NLRP13: variants seen among roughly 807,000 people sequenced by gnomAD.
The protein encoded by NLRP13 is NLR family pyrin domain containing 13, also known as NACHT, LRR and PYD domains-containing protein 13.
A neutral mutation model predicts 94.4 loss-of-function variants in NLRP13; 82 were observed. That is an observed-to-expected ratio of 0.87 (90% confidence interval 0.73 to 1.04). NLRP13 has a LOEUF of 1.04. NLRP13 is among the 50% of genes least tolerant of loss of function. The probability of loss-of-function intolerance (pLI) is 0.00; values close to 1 mark genes in which losing one functional copy is unlikely to be tolerated. For synonymous variants in NLRP13, 553 were observed against 464.7 expected, an observed-to-expected ratio of 1.19 and a Z score of -2.45; for missense variants, 1,426 against 1,230.8, an observed-to-expected ratio of 1.16 and a Z score of -2.37.
At chr19:55,899,004 C>T (rs1311875299) in intron 9 of NLRP13, 67 bp from the exon 10 acceptor site, 14 of 1,491,408 alleles carry the variant, frequency 9.4e-6, no homozygotes, top group Non-Finnish European at 1.3e-5. Flanking sequence ...GTGTTTACAA[C>T]TGCCCATCTC....
In NLRP13 at chr19:55,902,103, C is replaced by G; in HGVS notation, c.2721G>C (p.Leu907=). 6.2e-7 allele frequency: 1 copy of G among 1,614,194 alleles called. No homozygotes were observed. The highest frequency in any genetic ancestry group is 8.5e-7 in the Non-Finnish European group (1 of 1,180,018). The change falls in exon 9 of 11, where the codon CTG becomes CTC. Residue 907 remains leucine (L), a synonymous_variant. Coordinates refer to ENST00000342929, the MANE Select transcript of NLRP13 (RefSeq NM_176810.2). The part of the protein sequence containing the change: ...LTHLNLSKNS[L]RDEGVKFLCE... ...ACAGGAACTTGACTCCCTCGTCTCTCAGGCTGTTCTTGCTCAGATTCAGGT... is the reference window on the plus strand; with the variant it reads ...ACAGGAACTTGACTCCCTCGTCTCTGAGGCTGTTCTTGCTCAGATTCAGGT...
chr19:55,924,544 G>T, intron 3 of NLRP13, 46 bp downstream of exon 3: 1 of 1,355,556 alleles, frequency 7.4e-7, no homozygotes, highest in Non-Finnish European at 1.1e-6. Context: ...TGAAACGAGT[G>T]TTCCATCAAG....
chr19:55,924,975 G>A lies in NLRP13; in HGVS notation c.380C>T (p.Ala127Val), dbSNP rs1467033953. ...TAAAGTAGTGTACACACCTGCTGCT[G>A]CTTCTAGCATCTCTAGATCTTCCTG... ...PTQEDLEMLEAAAGNMQTQGC... is the reference protein window; with the variant it reads ...PTQEDLEMLEVAAGNMQTQGC... Residue 127 changes from alanine (A) to valine (V), a missense_variant, in exon 2 of 11, where the codon GCA becomes GTA. By Grantham distance (64) the Ala-to-Val change is moderately conservative. Coordinates refer to ENST00000342929, the MANE Select transcript of NLRP13 (RefSeq NM_176810.2). The A allele has an allele frequency of 2.5e-6, 4 of 1,613,948 alleles. No homozygotes were observed. In the South Asian group the frequency reaches 3.3e-5, roughly 13 times the overall value.
chr19:55,922,218 G>C lies in NLRP13; in HGVS notation c.523+1696C>G, dbSNP rs370916670. ...CACCAGGTCCCTCCCATGACACATG[G>C]GAATTATGGGAGCTACAATTCAAGA... On this transcript the variant is annotated intron_variant, in intron 4 of 10. Coordinates refer to ENST00000342929, the MANE Select transcript of NLRP13 (RefSeq NM_176810.2). 5.9e-5 allele frequency among the ~76,000 whole-genome samples: 9 copies of C among 152,186 alleles called. 2 individuals are homozygous for C. The highest frequency in any genetic ancestry group is 1.9e-4 in the East Asian group (1 of 5,184).
chr19:55,923,835 G>A, intron 4 of NLRP13, 79 bp downstream of exon 4: 1 of 990,480 alleles, frequency 1.0e-6, no homozygotes, highest in Non-Finnish European at 1.6e-6. Context: ...GTCAGTATGA[G>A]GCAACTCTAC....
chr19:55,931,397 G>A (rs927980013), intron 1 of NLRP13, among the ~76,000 whole-genome samples: 5 of 151,956 alleles, frequency 3.3e-5, no homozygotes. Context: ...AATCACACTG[G>A]GACAAATTTG....
intron 9 of NLRP13, 108 bp downstream of exon 9, chr19:55,901,927 G>T: frequency 8.6e-7 from 1 of 1,163,810 alleles, no homozygotes. Context: ...CCATGGCAAA[G>T]AGCTTGTCCA....
chr19:55,924,422 C>T (rs895571501), intron 3 of NLRP13, among the ~76,000 whole-genome samples, 168 bp downstream of exon 3: 11 of 152,146 alleles, frequency 7.2e-5, no homozygotes, highest in Middle Eastern at 3.4e-3. Flanking sequence ...TCTACTCAGC[C>T]GTAAGTTATT....
chr19:55,911,581 A>G, intron 5 of NLRP13, 125 bp downstream of exon 5: 1 of 886,388 alleles, frequency 1.1e-6, no homozygotes, highest in Non-Finnish European at 1.7e-6. Flanking sequence ...GCTGCTCCAG[A>G]CCATTTGGTC....
chr19:55,913,548 C>CAAAAAAAAAAA lies in NLRP13; in HGVS notation c.524-266_524-256dup, dbSNP rs10530056. On this transcript the variant is annotated intron_variant, in intron 4 of 10. Transcript: ENST00000342929. Reference sequence around the variant, plus strand: ...TGGGTGACAGAGTGAGACTCCGTCTCAAAAAAAAAAAAAAAAAAAAAAAGT... The same window carrying CAAAAAAAAAAA: ...TGGGTGACAGAGTGAGACTCCGTCTCAAAAAAAAAAAAAAAAAAAAAAAAAAAAAAAAAAGT... 4.4e-4 allele frequency among the ~76,000 whole-genome samples: 23 copies of CAAAAAAAAAAA among 52,066 alleles called. 1 individual carries two copies. Among genetic ancestry groups the CAAAAAAAAAAA allele is most frequent in the African/African-American group, 1.2e-3 (18 of 14,630 alleles). 34.2% of individuals were successfully genotyped at this position (52,066 alleles called of 152,430 possible).
intron 9 of NLRP13, 128 bp from the exon 10 acceptor site, chr19:55,899,065 G>A (rs372088801): frequency 1.2e-5 from 12 of 986,966 alleles, no homozygotes; most frequent in East Asian, 2.7e-5. Context: ...CCCAAGCCTC[G>A]AAGGAGGAGG....
chr19:55,895,166 T>G (rs2123096864), downstream of NLRP13, among the ~76,000 whole-genome samples: 1 of 142,284 alleles, frequency 7.0e-6, no homozygotes, highest in African/African-American at 2.6e-5. Flanking sequence ...CGGGCCAACA[T>G]GGTGAAACCC....
In NLRP13 at chr19:55,912,080, G is replaced by A. The variant is rs761677424; in HGVS notation, c.1737C>T (p.Ala579=). The change falls in exon 5 of 11, where the codon GCC becomes GCT. Residue 579 remains alanine (A), a synonymous_variant. Transcript: ENST00000342929. The stretch of plus-strand genomic sequence containing the variant: ...AGAACAGAACCACTGGAGTCCAGTA[G>A]GCTTCTTTGTCAAGCAAGACGTGTT... The part of the protein sequence containing the change: ...LLQHVLLDKE[A]YWTPVVLFFF... 1 of 1,614,184 alleles carries A rather than the reference G, an allele frequency of 6.2e-7. No individual in the cohort carries two copies. Among genetic ancestry groups the A allele is most frequent in the Admixed American group, 1.7e-5 (1 of 60,018 alleles).
intron 4 of NLRP13, among the ~76,000 whole-genome samples, chr19:55,918,687 C>T (rs1047512285): frequency 6.6e-6 from 1 of 151,890 alleles, no homozygotes; most frequent in African/African-American, 2.4e-5. Flanking sequence ...AAATATAAAT[C>T]CTGAACAGAT....
In NLRP13 at chr19:55,913,168, G is replaced by A. The variant is rs562148345; in HGVS notation, c.649C>T (p.Arg217Cys). 8.1e-6 allele frequency: 13 copies of A among 1,614,056 alleles called. No individual in the cohort carries two copies. Among genetic ancestry groups the A allele is most frequent in the Middle Eastern group, 1.6e-4 (1 of 6,062 alleles). ...TSKDEHEELQ[R>C]LLDPNRTRAQ... ...CTAGTCCTATTAGGATCCAGTAGGC[G>A]CTGCAGTTCCTCATGTTCGTCCTTT... is the stretch of plus-strand genomic sequence containing the variant. The change falls in exon 5 of 11, where the codon CGC becomes TGC. Residue 217 changes from arginine to cysteine, a missense_variant. Coordinates refer to ENST00000342929, the MANE Select transcript of NLRP13 (RefSeq NM_176810.2).
At chr19:55,913,473 C>T (rs775029665) in intron 4 of NLRP13, among the ~76,000 whole-genome samples, 180 bp from the exon 5 acceptor site, 10 of 138,840 alleles carry the variant, frequency 7.2e-5, no homozygotes, top group Non-Finnish European at 1.2e-4. Context: ...TGGCGTGAAC[C>T]CGGGAGGCGG....
chr19:55,923,769 G>C, intron 4 of NLRP13, 145 bp downstream of exon 4: 1 of 647,030 alleles, frequency 1.5e-6, no homozygotes, highest in Non-Finnish European at 2.7e-6. Flanking sequence ...AATTGTACTG[G>C]AAGAACCAGT....
chr19:55,927,635 A>G (rs1445922118), intron 1 of NLRP13, among the ~76,000 whole-genome samples: 1 of 152,054 alleles, frequency 6.6e-6, no homozygotes, highest in Non-Finnish European at 1.5e-5. Context: ...TTAAACAATC[A>G]TCCATAAACC....
At chr19:55,902,321 C>CAT (rs1206963925) in intron 8 of NLRP13, 116 bp from the exon 9 acceptor site, 5 of 828,892 alleles carry the variant, frequency 6.0e-6, no homozygotes, top group Non-Finnish European at 1.9e-6. Context: ...CCCTGGACGA[C>CAT]AAGGTCTTTC....
Sources: gnomAD v4.1 joint callset for allele counts (sites outside exome capture counted in the v4.1 genomes callset) on GRCh38, gnomAD v4.1.1 for gene constraint, MANE v1.5 for transcripts, NCBI Gene and HGNC (gene_info 2026-07-23, HGNC 2026-07-21) for gene names.